The following ELAVL2 variants were observed in gnomAD, a reference collection of about 807,000 sequenced individuals.
The protein encoded by ELAVL2 is ELAV like RNA binding protein 2, also known as ELAV-like protein 2.
ELAVL2 carries 4 observed loss-of-function variants against 34.6 expected under a neutral mutation model. That is an observed-to-expected ratio of 0.12 (90% CI 0.06 to 0.26). ELAVL2 has a LOEUF of 0.26. Among genes scored for constraint, ELAVL2 ranks in the 10% least tolerant of loss-of-function variants. ELAVL2 has a pLI of 1.00. For missense variants in ELAVL2, 432 were observed against 442.8 expected (o/e 0.98, Z 0.22); for synonymous variants, 193 against 154.8 (o/e 1.25, Z -1.83).
chr9:23,762,376 C>A, intron 1 of ELAVL2, 127 bp from the exon 2 acceptor site: 1 of 1,252,906 alleles, frequency 8.0e-7, no homozygotes. Context: ...AATGCTTCAA[C>A]AAAAAGTGTA....
intron 1 of ELAVL2, among the ~76,000 whole-genome samples, chr9:23,782,380 C>T (rs1339453419): frequency 6.6e-6 from 1 of 150,892 alleles, no homozygotes; most frequent in Non-Finnish European, 1.5e-5. Flanking sequence ...ACTAAAAATA[C>T]AAAAATTAAA....
intron 1 of ELAVL2, among the ~76,000 whole-genome samples, chr9:23,795,841 T>C (rs531551662): frequency 4.3e-4 from 66 of 152,342 alleles, no homozygotes; most frequent in Middle Eastern, 3.4e-3. Context: ...ATTTAGCATT[T>C]CCAGGAAATA....
chr9:23,720,703 G>A (rs993073294), intron 3 of ELAVL2, among the ~76,000 whole-genome samples: 3 of 152,026 alleles, frequency 2.0e-5, no homozygotes, highest in Non-Finnish European at 4.4e-5. Flanking sequence ...ATATCTTGAT[G>A]TAACCGACAA....
In ELAVL2 at chr9:23,739,001, C is replaced by A. The variant is rs184491590; in HGVS notation, c.230-7876G>T. Among the ~76,000 whole-genome samples the A allele has an allele frequency of 1.9e-3, 289 of 152,190 alleles. 1 individual carries two copies. Among genetic ancestry groups the A allele is most frequent in the Admixed American group, 3.3e-3 (51 of 15,284 alleles). On this transcript the variant is annotated intron_variant, in intron 2 of 6. Transcript: ENST00000397312. Reference sequence around the variant, plus strand: ...GTTCTTAATATATCACATTTTCAGACAACATTAAGAACTCCCACACAATTC... The same window carrying A: ...GTTCTTAATATATCACATTTTCAGAAAACATTAAGAACTCCCACACAATTC...
intron 3 of ELAVL2, among the ~76,000 whole-genome samples, chr9:23,707,619 G>A (rs1348305057): frequency 1.3e-5 from 2 of 152,202 alleles, no homozygotes; most frequent in African/African-American, 2.4e-5. Flanking sequence ...AAAGGTAACA[G>A]CTAATCGGTG....
chr9:23,692,535 A>G lies in ELAVL2; in HGVS notation c.*22T>C, dbSNP rs998869673. 3.1e-6 allele frequency: 5 copies of G among 1,596,074 alleles called. No homozygotes were observed. Among genetic ancestry groups the G allele is most frequent in the Non-Finnish European group, 4.3e-6 (5 of 1,169,644 alleles). ...TTTGTTGTATAGTTTTCATATATAA[A>G]TGGACTGAGGACAAGAGCTCATTAG... On this transcript the variant is annotated 3_prime_UTR_variant, in exon 7 of 7. Transcript: ENST00000397312.
intron 5 of ELAVL2, among the ~76,000 whole-genome samples, chr9:23,694,765 T>C (rs1228546189): frequency 6.6e-6 from 1 of 152,232 alleles, no homozygotes; most frequent in East Asian, 1.9e-4. Flanking sequence ...CTGAAAATTC[T>C]GTTTTGTAAA....
At chr9:23,847,140 A>T in the ELAVL2 span, 1 of 152,240 alleles carries the variant, frequency 6.6e-6, no homozygotes, top group East Asian at 1.9e-4. Flanking sequence ...AACTTCTTTG[A>T]GATTTTAGAT....
chr9:23,824,864 G>A (rs565396982), intron 1 of ELAVL2, among the ~76,000 whole-genome samples: 137 of 152,306 alleles, frequency 9.0e-4, no homozygotes, highest in Non-Finnish European at 1.3e-3. Context: ...AGGAGGGGGT[G>A]AGGGCTACGT....
At chr9:23,803,988 G>A (rs775188772) in intron 1 of ELAVL2, among the ~76,000 whole-genome samples, 4 of 152,144 alleles carry the variant, frequency 2.6e-5, no homozygotes, top group Non-Finnish European at 4.4e-5. Context: ...GGCACTGAAT[G>A]CTAACAAACA....
chr9:23,773,846 C>T (rs1340110333), intron 1 of ELAVL2, among the ~76,000 whole-genome samples: 2 of 151,992 alleles, frequency 1.3e-5, no homozygotes, highest in Admixed American at 6.6e-5. Context: ...CTCTAAGGTG[C>T]CAAGTGAACA....
chr9:23,816,217 A>G lies in ELAVL2; in HGVS notation c.-16+9589T>C, dbSNP rs145134373. Among the ~76,000 whole-genome samples the G allele has an allele frequency of 9.6e-4, 145 of 151,460 alleles. 1 individual carries two copies. Among genetic ancestry groups the G allele is most frequent in the Middle Eastern group, 3.4e-3 (1 of 292 alleles). On this transcript the variant is annotated intron_variant, in intron 1 of 6. Transcript: ENST00000397312. The stretch of plus-strand genomic sequence containing the variant: ...GAACTTCCAATTTTACAATGACTCT[A>G]AAGAAATGCAGGAAAGCTAAGAATC...
In ELAVL2 at chr9:23,701,264, A is replaced by T; in HGVS notation, c.713+115T>A. ...GAGATGAAAAATTAATAGTAATAAA[A>T]CCAACAACACTGACAAAAGCAAACC... On this transcript the variant is annotated intron_variant, in intron 5 of 6. Coordinates refer to ENST00000397312, the MANE Select transcript of ELAVL2 (RefSeq NM_004432.5). 1.3e-5 allele frequency: 15 copies of T among 1,131,192 alleles called. No individual in the cohort carries two copies. The South Asian group carries it at 2.1e-4, about 16-fold the overall frequency. The allele number at this position is 1,131,192 out of a possible 1,614,324, so 70.1% of individuals were successfully genotyped here.
At chr9:23,792,619 T>C (rs2060455269) in intron 1 of ELAVL2, among the ~76,000 whole-genome samples, 1 of 152,226 alleles carries the variant, frequency 6.6e-6, no homozygotes, top group Non-Finnish European at 1.5e-5. Context: ...ATTGTATACA[T>C]ACAGACCTTC....
At chr9:23,703,531 C>T (rs772092624) in intron 4 of ELAVL2, among the ~76,000 whole-genome samples, 1 of 152,014 alleles carries the variant, frequency 6.6e-6, no homozygotes, top group African/African-American at 2.4e-5. Context: ...AGTGCTAGCT[C>T]TCTCTACTCA....
the ELAVL2 span, chr9:23,849,730 T>C: frequency 6.6e-6 from 1 of 152,186 alleles, no homozygotes; most frequent in East Asian, 1.9e-4. Flanking sequence ...CCACTGACCA[T>C]AGTAGAGAGA....
At chr9:23,696,724 C>A (rs1230153999) in intron 5 of ELAVL2, among the ~76,000 whole-genome samples, 1 of 152,080 alleles carries the variant, frequency 6.6e-6, no homozygotes, top group Non-Finnish European at 1.5e-5. Context: ...CCCGCCTTGG[C>A]CTCCCAAAGT....
chr9:23,690,490 A>C lies in ELAVL2; in HGVS notation c.*2067T>G, dbSNP rs1422423853. The C allele has an allele frequency of 6.6e-6, 1 of 152,482 alleles. No individual in the cohort carries two copies. The highest frequency in any genetic ancestry group is 1.5e-5 in the Non-Finnish European group (1 of 67,982). 9.4% of individuals were successfully genotyped at this position (152,482 alleles called of 1,614,324 possible). On this transcript the variant is annotated 3_prime_UTR_variant, in exon 7 of 7. Coordinates refer to ENST00000397312, the MANE Select transcript of ELAVL2 (RefSeq NM_004432.5). ...CAGAAGGTTAACTCTGGCAATCTAAATGCACCTAAGGATATGAGAAAGTGC... is the reference window on the plus strand; with the variant it reads ...CAGAAGGTTAACTCTGGCAATCTAACTGCACCTAAGGATATGAGAAAGTGC...
chr9:23,708,520 T>G (rs1421728600), intron 3 of ELAVL2, among the ~76,000 whole-genome samples: 5 of 152,226 alleles, frequency 3.3e-5, no homozygotes, highest in Admixed American at 3.3e-4. Flanking sequence ...AAGTGAGTGT[T>G]TCAGTTCACT....
Sources: allele counts gnomAD v4.1 joint callset (sites outside exome capture counted in the v4.1 genomes callset), GRCh38; gene constraint gnomAD v4.1.1; transcripts MANE v1.5; gene names NCBI Gene and HGNC (gene_info 2026-07-23, HGNC 2026-07-21).